The following ITGB1 variants were observed in gnomAD, a reference collection of about 807,000 sequenced individuals.
ITGB1 encodes integrin subunit beta 1.
ITGB1 carries 24 observed loss-of-function variants against 86.5 expected under a neutral mutation model. That is an observed-to-expected ratio of 0.28 (90% CI 0.20 to 0.39). The LOEUF is 0.39. Ranked by LOEUF, ITGB1 falls within the 10% of genes least tolerant of loss-of-function variation. ITGB1 has a pLI of 1.00. For synonymous variants in ITGB1, 323 were observed against 316.8 expected, an observed-to-expected ratio of 1.02 and a Z score of -0.21; for missense variants, 556 against 946.9, an observed-to-expected ratio of 0.59 and a Z score of 5.42.
intron 15 of ITGB1, among the ~76,000 whole-genome samples, chr10:32,903,465 T>A (rs2094887925): frequency 1.3e-5 from 2 of 149,476 alleles, no homozygotes; most frequent in Admixed American, 1.3e-4. Flanking sequence ...GTCTGAAACT[T>A]CATCCTGTAG....
chr10:32,911,854 C>T (rs4587680), intron 12 of ITGB1, 32 bp downstream of exon 12: 150,291 of 1,561,948 alleles, frequency 0.096, 8,302 homozygotes, highest in Admixed American at 0.22. Context: ...GATGGGATCA[C>T]ATCTTACAAC....
In ITGB1 at chr10:32,920,090, A is replaced by G. The variant is rs201328160; in HGVS notation, c.1270-6T>C. 114 of 1,610,302 alleles carry G rather than the reference A, an allele frequency of 7.1e-5. No homozygotes were observed. The African/African-American group carries it at 1.1e-3, about 16-fold the overall frequency. ...ATGCTAATTTCAAATTGAACCTTGAAGGGAAAAAAAAGATTAACAACCAAC... is the reference window on the plus strand; with the variant it reads ...ATGCTAATTTCAAATTGAACCTTGAGGGGAAAAAAAAGATTAACAACCAAC... On this transcript the variant is annotated splice_region_variant and splice_polypyrimidine_tract_variant and intron_variant, in intron 10 of 15. Transcript: ENST00000302278.
rs146208097 is a variant in ITGB1, at chr10:32,907,063, G to A, written c.2331+1305C>T. 9.5e-4 allele frequency: 1,278 copies of A among 1,346,144 alleles called. 13 individuals carry two copies. The African/African-American group carries it at 0.017, about 18-fold the overall frequency. 83.4% of individuals were successfully genotyped at this position (1,346,144 alleles called of 1,614,324 possible). On this transcript the variant is annotated intron_variant, in intron 15 of 15. Transcript: ENST00000302278. ...GCAGAAAGTGAAACAAAATACGAAC[G>A]GCAATTTAGAGACCAGCTTTACGTC...
intron 14 of ITGB1, 103 bp downstream of exon 14, chr10:32,910,120 T>A (rs2094908243): frequency 5.0e-6 from 4 of 804,130 alleles, no homozygotes; most frequent in Non-Finnish European, 7.9e-6. Flanking sequence ...CAACTTGACC[T>A]AAAATATTCC....
At chr10:32,940,181 A>C (rs2095014942) in intron 1 of ITGB1, among the ~76,000 whole-genome samples, 1 of 151,862 alleles carries the variant, frequency 6.6e-6, no homozygotes, top group Non-Finnish European at 1.5e-5. Flanking sequence ...CCGTCTCTAC[A>C]AAAAAATACA....
chr10:32,951,315 A>T (rs554813843), intron 1 of ITGB1, among the ~76,000 whole-genome samples: 1 of 152,120 alleles, frequency 6.6e-6, no homozygotes, highest in Non-Finnish European at 1.5e-5. Flanking sequence ...CAGAATCAAC[A>T]TAACAGGAAA....
At chr10:32,915,537 A>T (rs1296239209) in intron 11 of ITGB1, among the ~76,000 whole-genome samples, 4 of 152,104 alleles carry the variant, frequency 2.6e-5, no homozygotes, top group African/African-American at 4.8e-5. Flanking sequence ...TATAAACACC[A>T]CTATGCAAAT....
chr10:32,936,790 C>T lies in ITGB1; in HGVS notation c.1-1232G>A, dbSNP rs2095003357. Among the ~76,000 whole-genome samples, 2 of 152,018 alleles carry T rather than the reference C, an allele frequency of 1.3e-5. 1 individual carries two copies. Among genetic ancestry groups the T allele is most frequent in the South Asian group, 4.2e-4 (2 of 4,814 alleles). On this transcript the variant is annotated intron_variant, in intron 1 of 15. Transcript: ENST00000302278. ...TACTGCTCTTGGACTAGCAGCCAAT[C>T]TAATAATTATATATAAGTATCTGTC...
chr10:32,922,799 A>C (rs2094954199), intron 7 of ITGB1, 64 bp from the exon 8 acceptor site: 1 of 909,414 alleles, frequency 1.1e-6, no homozygotes, highest in Non-Finnish European at 1.7e-6. Flanking sequence ...CTAATTTTTC[A>C]ATCTAGTTAT....
At chr10:32,946,784 G>C (rs577167536) in intron 1 of ITGB1, among the ~76,000 whole-genome samples, 58 of 138,688 alleles carry the variant, frequency 4.2e-4, no homozygotes, top group African/African-American at 1.6e-3. Context: ...CTTTTCTGCA[G>C]GTATTTCAAA....
At chr10:32,942,681 CTCT>C (rs1237891243) in intron 1 of ITGB1, among the ~76,000 whole-genome samples, 39 of 100,568 alleles carry the variant, frequency 3.9e-4, no homozygotes, top group Admixed American at 2.9e-3. Context: ...CTCTCTCTCT[CTCT>C]TTTTTTTTTT....
chr10:32,930,099 T>A, intron 3 of ITGB1, 55 bp from the exon 4 acceptor site: 1 of 783,144 alleles, frequency 1.3e-6, no homozygotes. Context: ...TCAAACCTTT[T>A]TACATAATAA....
intron 15 of ITGB1, among the ~76,000 whole-genome samples, chr10:32,902,290 C>G (rs1191236732): frequency 1.3e-5 from 2 of 152,190 alleles, no homozygotes. Flanking sequence ...ATTTAGTAAA[C>G]AGTACTGAAG....
At chr10:32,950,870 A>G (rs886758561) in intron 1 of ITGB1, among the ~76,000 whole-genome samples, 1 of 152,236 alleles carries the variant, frequency 6.6e-6, no homozygotes, top group Non-Finnish European at 1.5e-5. Context: ...TACTTTAAGA[A>G]AATTATACAA....
At chr10:32,922,439 C>G (rs1230042666) in intron 8 of ITGB1, 93 bp from the exon 9 acceptor site, 1 of 885,350 alleles carries the variant, frequency 1.1e-6, no homozygotes, top group Non-Finnish European at 1.8e-6. Context: ...AATGCCAGTT[C>G]CCATGTTTCC....
Position 32,919,956 on chromosome 10 carries a change from G to T in ITGB1, c.1398C>A (p.Cys466Ter). 1 of 1,614,018 alleles carries T rather than the reference G, an allele frequency of 6.2e-7. No individual in the cohort carries two copies. ...VILQYICECE[C>*]QSEGIPESPK... ...GACTTTCAGGGATGCCTTCGCTTTG[G>T]CATTCACATTCACAGATGTACTGAA... Residue 466 changes from cysteine to a stop codon, truncating the protein, a stop_gained, in exon 11 of 16, where the codon TGC becomes TGA. Transcript: ENST00000302278. LOFTEE classifies it high-confidence loss of function.
chr10:32,948,525 T>TC (rs1236696794), intron 1 of ITGB1, among the ~76,000 whole-genome samples: 2 of 152,240 alleles, frequency 1.3e-5, no homozygotes, highest in African/African-American at 4.8e-5. Context: ...TCCCCAAGGT[T>TC]CACGTGTTGG....
intron 9 of ITGB1, among the ~76,000 whole-genome samples, chr10:32,921,012 C>CAAAAA (rs1236568990): frequency 2.7e-5 from 4 of 149,068 alleles, no homozygotes; most frequent in Non-Finnish European, 4.5e-5. Context: ...AAAACAGAAA[C>CAAAAA]CCCCCAAAAA....
chr10:32,923,777 T>C, intron 6 of ITGB1, 37 bp from the exon 7 acceptor site: 1 of 1,546,810 alleles, frequency 6.5e-7, no homozygotes, highest in Non-Finnish European at 8.8e-7. Flanking sequence ...AAAACACTAT[T>C]CACAGTAATT....
Sources: allele counts gnomAD v4.1 joint callset (sites outside exome capture counted in the v4.1 genomes callset), GRCh38; gene constraint gnomAD v4.1.1; transcripts MANE v1.5; gene names NCBI Gene and HGNC (gene_info 2026-07-23, HGNC 2026-07-21).